The following PDE4D variants were observed in gnomAD, a reference collection of about 807,000 sequenced individuals.
The protein encoded by PDE4D is phosphodiesterase 4D, also known as 3',5'-cyclic-AMP phosphodiesterase 4D.
In PDE4D, 24 loss-of-function variants were observed where a neutral mutation model predicts 87.4. The ratio of observed to expected loss-of-function variants is 0.27; its 90% CI spans 0.20 to 0.39. PDE4D has a LOEUF of 0.39. PDE4D is among the 10% of genes least tolerant of loss of function. The pLI, the probability that PDE4D is intolerant of heterozygous loss-of-function variation, is 1.00. For synonymous variants in PDE4D, 384 were observed against 383.2 expected (o/e 1.00, Z -0.02); for missense variants, 714 against 1,041.0 (o/e 0.69, Z 4.32).
intron 1 of PDE4D, among the ~76,000 whole-genome samples, chr5:59,521,166 C>G (rs1215324841): frequency 1.3e-5 from 2 of 151,066 alleles, no homozygotes; most frequent in African/African-American, 4.9e-5. Flanking sequence ...TGAGGCAGGA[C>G]TAGGACAGCA....
At chr5:58,992,087 T>A in intron 7 of PDE4D, 83 bp from the exon 8 acceptor site, 1 of 846,082 alleles carries the variant, frequency 1.2e-6, no homozygotes, top group Non-Finnish European at 1.6e-6. Context: ...GGATTATAAT[T>A]GATCATTATA....
At chr5:60,292,117 C>T (rs1404364892) in intron 1 of PDE4D, among the ~76,000 whole-genome samples, 1 of 152,076 alleles carries the variant, frequency 6.6e-6, no homozygotes, top group Non-Finnish European at 1.5e-5. Flanking sequence ...ATATTGAAAA[C>T]TACATTTTGA....
intron 1 of PDE4D, among the ~76,000 whole-genome samples, chr5:59,889,472 C>A (rs1244745055): frequency 1.3e-5 from 2 of 151,796 alleles, no homozygotes; most frequent in African/African-American, 2.4e-5. Flanking sequence ...CAGAGCGAGA[C>A]CCAGTCTCTA....
chr5:60,092,036 G>A, intron 2 of PDE4D, among the ~76,000 whole-genome samples: 1 of 114,936 alleles, frequency 8.7e-6, no homozygotes, highest in African/African-American at 3.4e-5. Flanking sequence ...GGGCGACAGA[G>A]CGAAACTCCG....
intron 1 of PDE4D, among the ~76,000 whole-genome samples, chr5:60,292,970 A>C (rs1753025925): frequency 6.6e-6 from 1 of 151,996 alleles, no homozygotes; most frequent in African/African-American, 2.4e-5. Flanking sequence ...GAGAACTCTA[A>C]AGTTTCCTTA....
chr5:60,341,341 C>T (rs748866099), intron 1 of PDE4D, among the ~76,000 whole-genome samples: 13 of 152,190 alleles, frequency 8.5e-5, no homozygotes, highest in South Asian at 6.2e-4. Flanking sequence ...TCCTGCTGCT[C>T]TCCAGTTTTC....
intron 1 of PDE4D, among the ~76,000 whole-genome samples, chr5:59,747,201 C>T (rs114061563): frequency 0.018 from 2,788 of 152,240 alleles, 48 homozygotes; most frequent in Non-Finnish European, 0.028. Context: ...CTAGCTCATC[C>T]CCTCCAGTAT....
intron 6 of PDE4D, among the ~76,000 whole-genome samples, chr5:58,995,941 T>C (rs866060285): frequency 4.6e-5 from 7 of 152,194 alleles, no homozygotes; most frequent in Admixed American, 1.3e-4. Flanking sequence ...ATATATACCA[T>C]GGAATACTAC....
chr5:59,099,035 A>G (rs1200181459), intron 5 of PDE4D, among the ~76,000 whole-genome samples: 1 of 152,210 alleles, frequency 6.6e-6, no homozygotes, highest in Admixed American at 6.5e-5. Flanking sequence ...TCTTTTGACT[A>G]GGCAGATGTC....
intron 1 of PDE4D, among the ~76,000 whole-genome samples, chr5:59,562,418 G>A (rs1820185442): frequency 6.6e-6 from 1 of 152,174 alleles, no homozygotes; most frequent in Non-Finnish European, 1.5e-5. Flanking sequence ...AAATTTGCCT[G>A]TAAAATCAGA....
intron 5 of PDE4D, among the ~76,000 whole-genome samples, chr5:59,094,216 CAAA>C (rs1164383460): frequency 0.022 from 318 of 14,306 alleles, 2 homozygotes; most frequent in African/African-American, 0.052. Flanking sequence ...GACTCCGTCT[CAAA>C]AAAAAAAAAA....
chr5:60,423,190 G>A (rs535513008), intron 1 of PDE4D, among the ~76,000 whole-genome samples: 74 of 152,216 alleles, frequency 4.9e-4, no homozygotes, highest in African/African-American at 1.7e-3. Flanking sequence ...CGCAACAAGC[G>A]GGCCTAATAG....
chr5:59,476,068 C>G lies in PDE4D; in HGVS notation c.456-260100G>C, dbSNP rs118052278. On this transcript the variant is annotated intron_variant, in intron 1 of 14. Transcript: ENST00000340635. ...CATAGGCTAGGGAAAGAATCAGAAG[C>G]ACGAGTTTCCTCCCACCAACCTATT... Among the ~76,000 whole-genome samples, 282 of 152,118 alleles carry G rather than the reference C, an allele frequency of 1.9e-3. 7 individuals carry two copies. In the East Asian group the frequency reaches 0.049, roughly 26 times the overall value.
At chr5:60,447,087 C>A (rs376167815) in intron 1 of PDE4D, among the ~76,000 whole-genome samples, 2 of 152,092 alleles carry the variant, frequency 1.3e-5, no homozygotes, top group African/African-American at 4.8e-5. Flanking sequence ...GGAGCACTTG[C>A]ACACCATACC....
intron 1 of PDE4D, among the ~76,000 whole-genome samples, chr5:59,271,892 C>T (rs1389184081): frequency 6.6e-6 from 1 of 151,340 alleles, no homozygotes; most frequent in Non-Finnish European, 1.5e-5. Context: ...AGAGGCAGTC[C>T]CCCTTACCTT....
intron 1 of PDE4D, among the ~76,000 whole-genome samples, chr5:60,328,339 A>C (rs527937793): frequency 6.6e-5 from 10 of 152,236 alleles, no homozygotes; most frequent in African/African-American, 2.4e-4. Context: ...ACAGGATCCC[A>C]GTTATTATCT....
chr5:60,058,527 A>C (rs1386951874), intron 2 of PDE4D, among the ~76,000 whole-genome samples: 1 of 152,014 alleles, frequency 6.6e-6, no homozygotes, highest in Non-Finnish European at 1.5e-5. Flanking sequence ...GATATAAATG[A>C]AAGTAATATC....
At chr5:59,250,335 T>TA (rs1168856853) in intron 1 of PDE4D, among the ~76,000 whole-genome samples, 67 of 148,480 alleles carry the variant, frequency 4.5e-4, no homozygotes, top group Middle Eastern at 3.5e-3. Flanking sequence ...CAAAAAAAAT[T>TA]AAAAAAAACA....
intron 1 of PDE4D, among the ~76,000 whole-genome samples, chr5:59,326,461 A>ACTT (rs1276332198): frequency 6.6e-6 from 1 of 152,124 alleles, no homozygotes; most frequent in Non-Finnish European, 1.5e-5. Flanking sequence ...TATAACTATT[A>ACTT]AATACTTAAA....
Sources: gnomAD v4.1 joint callset for allele counts (sites outside exome capture counted in the v4.1 genomes callset) on GRCh38, gnomAD v4.1.1 for gene constraint, MANE v1.5 for transcripts, NCBI Gene and HGNC (gene_info 2026-07-23, HGNC 2026-07-21) for gene names.